PMFBP1: variants seen among roughly 807,000 people sequenced by gnomAD.
PMFBP1 encodes polyamine modulated factor 1 binding protein 1.
In PMFBP1, 131 loss-of-function variants were observed where a neutral mutation model predicts 137.8. The observed-to-expected ratio is 0.95, with a 90% CI of 0.82 to 1.10. The LOEUF (loss-of-function observed/expected upper bound fraction) is 1.10, where lower values mean the gene tolerates loss of function less well. Among genes scored for constraint, PMFBP1 ranks in the 50% least tolerant of loss-of-function variants. The pLI, the probability that PMFBP1 is intolerant of heterozygous loss-of-function variation, is 0.00. For synonymous variants in PMFBP1, 490 were observed against 450.4 expected, an observed-to-expected ratio of 1.09 and a Z score of -1.11; for missense variants, 1,199 against 1,175.4, an observed-to-expected ratio of 1.02 and a Z score of -0.29.
At chr16:72,175,086 A>G (rs189491298), upstream of PMFBP1, among the ~76,000 whole-genome samples, 4 of 152,326 alleles carry the variant, frequency 2.6e-5, no homozygotes, top group East Asian at 5.8e-4. Flanking sequence ...TCAGCATTCT[A>G]TCTTTTACCT....
chr16:72,145,294 C>A (rs186105411), intron 5 of PMFBP1, among the ~76,000 whole-genome samples: 1 of 152,088 alleles, frequency 6.6e-6, no homozygotes, highest in African/African-American at 2.4e-5. Context: ...GGGTAAGTAA[C>A]GAAATGAAGG....
intron 14 of PMFBP1, among the ~76,000 whole-genome samples, chr16:72,126,483 A>G (rs901478458): frequency 4.5e-4 from 68 of 152,224 alleles, no homozygotes; most frequent in African/African-American, 1.6e-3. Flanking sequence ...TGGACATGAT[A>G]ACAACATGTC....
At chr16:72,232,491 TG>T in the PMFBP1 span, among the ~76,000 whole-genome samples, 1 of 152,126 alleles carries the variant, frequency 6.6e-6, no homozygotes, top group Non-Finnish European at 1.5e-5. Flanking sequence ...AAAGAAAGAA[TG>T]AACAGAGGTA....
At chr16:72,135,103 C>A (rs17603936) in intron 9 of PMFBP1, among the ~76,000 whole-genome samples, 18,965 of 152,160 alleles carry the variant, frequency 0.12, 1,653 homozygotes, top group South Asian at 0.18. Context: ...TCTGTTTTGA[C>A]GGGCATATCT....
Position 72,133,131 on chromosome 16 carries a change from G to A in PMFBP1, c.1204-140C>T, listed in dbSNP as rs1337564576. On this transcript the variant is annotated intron_variant, in intron 9 of 20. Transcript: ENST00000237353. The stretch of plus-strand genomic sequence containing the variant: ...CACGAACCTCCCTGCCTCCACTCCT[G>A]TTCCCCTCAGGCTATTCTCCACGCA... 3.5e-6 allele frequency: 3 copies of A among 864,928 alleles called. No homozygotes were observed. In the African/African-American group the frequency reaches 5.1e-5, roughly 15 times the overall value. The allele number at this position is 864,928 out of a possible 1,614,324, so 53.6% of individuals were successfully genotyped here. A position where few individuals can be genotyped will look rare whatever the true frequency, so the allele number is the denominator to read the frequency against.
intron 12 of PMFBP1, 141 bp from the exon 13 acceptor site, chr16:72,129,374 G>A (rs972889891): frequency 1.8e-5 from 17 of 959,050 alleles, no homozygotes; most frequent in South Asian, 4.8e-5. Flanking sequence ...TAAAATAAAA[G>A]GTTTCCTCCA....
At chr16:72,162,052 G>A (rs1033810612) in intron 3 of PMFBP1, among the ~76,000 whole-genome samples, 1 of 152,212 alleles carries the variant, frequency 6.6e-6, no homozygotes, top group African/African-American at 2.4e-5. Flanking sequence ...AGGGAATGGA[G>A]CCTGGGAAAA....
intron 9 of PMFBP1, among the ~76,000 whole-genome samples, chr16:72,133,572 A>G (rs1002707722): frequency 1.3e-5 from 2 of 152,100 alleles, no homozygotes; most frequent in East Asian, 3.9e-4. Context: ...CAATGCAGCT[A>G]TAACCTCCTA....
chr16:72,154,109 G>A, intron 4 of PMFBP1, 102 bp downstream of exon 4: 2 of 1,450,776 alleles, frequency 1.4e-6, no homozygotes, highest in Non-Finnish European at 1.9e-6. Context: ...TCGGGATGTT[G>A]CAAAGCTCTC....
chr16:72,173,621 A>G (rs12926119), upstream of PMFBP1, among the ~76,000 whole-genome samples: 16,657 of 152,282 alleles, frequency 0.11, 1,052 homozygotes, highest in African/African-American at 0.17. Context: ...CAATAGCAGC[A>G]GGCAGTTTGG....
At chr16:72,144,492 A>C (rs1298227313) in intron 5 of PMFBP1, among the ~76,000 whole-genome samples, 1 of 152,288 alleles carries the variant, frequency 6.6e-6, no homozygotes, top group East Asian at 1.9e-4. Flanking sequence ...TCGGTCTGTG[A>C]GCTGGTACCT....
At chr16:72,128,847 A>C in intron 13 of PMFBP1, 53 bp from the exon 14 acceptor site, 1 of 1,608,232 alleles carries the variant, frequency 6.2e-7, no homozygotes, top group African/African-American at 1.3e-5. Flanking sequence ...ATCTCAGATA[A>C]CTATAAAAGC....
At chr16:72,229,481 A>G in the PMFBP1 span, among the ~76,000 whole-genome samples, 2 of 152,198 alleles carry the variant, frequency 1.3e-5, no homozygotes, top group South Asian at 2.1e-4. Flanking sequence ...GCAGTGCATA[A>G]GCATTCCTTT....
the PMFBP1 span, among the ~76,000 whole-genome samples, chr16:72,228,682 G>C: frequency 1.3e-5 from 2 of 152,062 alleles, no homozygotes; most frequent in South Asian, 2.1e-4. Context: ...AATAAATTTG[G>C]GGTGCCTCTC....
the PMFBP1 span, among the ~76,000 whole-genome samples, chr16:72,238,957 C>T: frequency 6.6e-6 from 1 of 151,868 alleles, no homozygotes. Flanking sequence ...CTCCCCTCAG[C>T]AAATAATTAT....
At chr16:72,139,794 T>G (rs1878696018) in intron 6 of PMFBP1, among the ~76,000 whole-genome samples, 2 of 152,202 alleles carry the variant, frequency 1.3e-5, no homozygotes, top group South Asian at 4.1e-4. Flanking sequence ...TGTAATTTTT[T>G]TTTGAAAAAT....
At chr16:72,129,532 T>C (rs1455175890) in intron 12 of PMFBP1, among the ~76,000 whole-genome samples, 1 of 152,198 alleles carries the variant, frequency 6.6e-6, no homozygotes, top group Non-Finnish European at 1.5e-5. Context: ...CAAAAACCTT[T>C]TTGAATGAAG....
chr16:72,203,620 C>G, the PMFBP1 span, among the ~76,000 whole-genome samples: 1 of 151,986 alleles, frequency 6.6e-6, no homozygotes, highest in Admixed American at 6.6e-5. Context: ...GTGGCAAGTA[C>G]GGATGGTGGC....
chr16:72,195,842 C>A, the PMFBP1 span, among the ~76,000 whole-genome samples: 2 of 152,230 alleles, frequency 1.3e-5, no homozygotes, highest in Non-Finnish European at 2.9e-5. Flanking sequence ...GGGGGTCCTG[C>A]CTTTCCTTGG....
Sources: allele counts gnomAD v4.1 joint callset (sites outside exome capture counted in the v4.1 genomes callset), GRCh38; gene constraint gnomAD v4.1.1; transcripts MANE v1.5; gene names NCBI Gene and HGNC (gene_info 2026-07-23, HGNC 2026-07-21).